Variants in FOCAD observed in about 807,000 individuals in gnomAD.
The protein encoded by FOCAD is focadhesin.
In FOCAD, 198 loss-of-function variants were observed where a neutral mutation model predicts 225.6. The ratio of observed to expected loss-of-function variants is 0.88; its 90% confidence interval spans 0.78 to 0.99. The LOEUF (loss-of-function observed/expected upper bound fraction) is 0.99, where lower values mean the gene tolerates loss of function less well. Ranked by LOEUF, FOCAD falls within the 50% of genes least tolerant of loss-of-function variation. FOCAD has a pLI of 0.00. For missense variants in FOCAD, 2,713 were observed against 2,123.6 expected, an observed-to-expected ratio of 1.28 and a Z score of -5.46; for synonymous variants, 897 against 755.0, an observed-to-expected ratio of 1.19 and a Z score of -3.08.
rs781242155 is a variant in FOCAD, at chr9:20,988,333, C to A, written c.4908C>A (p.Gly1636=). ...AAGAAAATACCCTTTTCATTTCAGG[C>A]GTTTTGAAGAGAATGGAGTGGCTCT... ...QARIVSHANT[G]VLKRMEWLLE... Residue 1636 remains glycine (G), a splice_region_variant and synonymous_variant, in exon 41 of 44, where the codon GGC becomes GGA. Coordinates refer to ENST00000338382, the MANE Select transcript of FOCAD (RefSeq NM_001375567.1). 2.5e-6 allele frequency: 4 copies of A among 1,588,598 alleles called. No individual in the cohort carries two copies. Among genetic ancestry groups the A allele is most frequent in the East Asian group, 2.3e-5 (1 of 44,402 alleles).
chr9:20,771,571 C>T (rs1326383160), intron 8 of FOCAD, among the ~76,000 whole-genome samples: 8 of 152,054 alleles, frequency 5.3e-5, no homozygotes, highest in Admixed American at 5.2e-4. Flanking sequence ...GCAGCCTGAC[C>T]AACATGGTGA....
In FOCAD at chr9:20,815,137, G is replaced by GTTTTTTTTT. The variant is rs71334555; in HGVS notation, c.1456-4650_1456-4642dup. Among the ~76,000 whole-genome samples, 11 of 69,144 alleles carry GTTTTTTTTT rather than the reference G, an allele frequency of 1.6e-4. 1 individual carries two copies. The highest frequency in any genetic ancestry group is 6.6e-4 in the African/African-American group (11 of 16,588). The allele number at this position is 69,144 out of a possible 152,430, so 45.4% of individuals were successfully genotyped here. On this transcript the variant is annotated intron_variant, in intron 11 of 43. Coordinates refer to ENST00000338382, the MANE Select transcript of FOCAD (RefSeq NM_001375567.1). Reference sequence around the variant, plus strand: ...TACTTCTCTTTGTTTTTTTTTTTTTGTTTTTTTTTTTTTTTTTGAGACAGT... The same window carrying GTTTTTTTTT: ...TACTTCTCTTTGTTTTTTTTTTTTTGTTTTTTTTTTTTTTTTTTTTTTTTTTGAGACAGT...
At chr9:20,808,178 GTGA>G (rs772993866) in intron 11 of FOCAD, among the ~76,000 whole-genome samples, 65 of 152,202 alleles carry the variant, frequency 4.3e-4, no homozygotes, top group Non-Finnish European at 5.6e-4. Flanking sequence ...GGTTTTCATG[GTGA>G]TACTAAGAGC....
chr9:20,836,993 T>G (rs1453218219), intron 15 of FOCAD, among the ~76,000 whole-genome samples: 8 of 152,178 alleles, frequency 5.3e-5, no homozygotes, highest in African/African-American at 1.9e-4. Context: ...CCACTTAAAA[T>G]TTTTGCTTCT....
chr9:20,730,504 T>G (rs573301176), intron 4 of FOCAD, among the ~76,000 whole-genome samples: 2 of 152,346 alleles, frequency 1.3e-5, no homozygotes, highest in East Asian at 3.9e-4. Context: ...ATACTTGATG[T>G]ATTTCAGTCC....
chr9:20,938,486 AC>A (rs1404679629), intron 28 of FOCAD, among the ~76,000 whole-genome samples: 1 of 151,946 alleles, frequency 6.6e-6, no homozygotes, highest in Non-Finnish European at 1.5e-5. Context: ...AAGGACAAAA[AC>A]CAAACACCAC....
chr9:20,982,605 A>G (rs796276506), intron 39 of FOCAD, among the ~76,000 whole-genome samples, 159 bp downstream of exon 39: 6 of 152,344 alleles, frequency 3.9e-5, no homozygotes, highest in African/African-American at 1.4e-4. Context: ...CCTCTTGTTC[A>G]GCCTACTAAT....
chr9:20,690,332 G>C (rs1822899723), intron 1 of FOCAD, among the ~76,000 whole-genome samples: 1 of 152,156 alleles, frequency 6.6e-6, no homozygotes, highest in African/African-American at 2.4e-5. Flanking sequence ...AAGTATGCTG[G>C]TATTTTTCCA....
chr9:20,695,048 CT>C lies in FOCAD; in HGVS notation c.-33+10758del, dbSNP rs764876319. On this transcript the variant is annotated intron_variant, in intron 1 of 43. Transcript: ENST00000338382. ...ATTGATTTGTTGGAGAAACCGAGTA[CT>C]TTGTCCTGTAAAGTGTCCCAGATTC... 8.5e-5 allele frequency among the ~76,000 whole-genome samples: 13 copies of C among 152,164 alleles called. No individual in the cohort carries two copies. The East Asian group carries it at 9.6e-4, about 11-fold the overall frequency.
At chr9:20,662,192 G>C (rs1434159234) in intron 2 of FOCAD, among the ~76,000 whole-genome samples, 1 of 149,350 alleles carries the variant, frequency 6.7e-6, no homozygotes, top group Non-Finnish European at 1.5e-5. Flanking sequence ...ATATGTGTGT[G>C]TGTGTGCATA....
intron 13 of FOCAD, 106 bp downstream of exon 13, chr9:20,820,531 T>C (rs774761629): frequency 1.2e-6 from 1 of 859,784 alleles, no homozygotes; most frequent in Admixed American, 2.7e-5. Flanking sequence ...TATTAATGAG[T>C]GGCATCAGTG....
chr9:20,929,463 G>C lies in FOCAD; in HGVS notation c.3184G>C (p.Val1062Leu), dbSNP rs752426512. The stretch of plus-strand genomic sequence containing the variant: ...TTTCATTATCTCTTGCAAAGAGAAG[G>C]TTGAGGAAATCCTGAACATGCTGAC... ...PVFIISCKEK[V>L]EEILNMLTAR... Residue 1062 changes from valine to leucine, a missense_variant, in exon 27 of 44, where the codon GTT (valine) becomes CTT (leucine). Val to Leu is a conservative substitution (Grantham distance 32, BLOSUM62 1). Transcript: ENST00000338382. 49 of 1,614,112 alleles carry C rather than the reference G, an allele frequency of 3.0e-5. No homozygotes were observed. The highest frequency in any genetic ancestry group is 4.2e-5 in the Non-Finnish European group (49 of 1,180,020).
intron 35 of FOCAD, among the ~76,000 whole-genome samples, chr9:20,953,422 C>T (rs1837861710): frequency 6.6e-6 from 1 of 152,160 alleles, no homozygotes; most frequent in African/African-American, 2.4e-5. Context: ...CAGTTTCTAT[C>T]CCGGGATCTG....
At chr9:20,826,316 C>G (rs1254613888) in intron 15 of FOCAD, among the ~76,000 whole-genome samples, 1 of 152,096 alleles carries the variant, frequency 6.6e-6, no homozygotes, top group African/African-American at 2.4e-5. Flanking sequence ...CTTGCTGAGT[C>G]TTCCAGTCTT....
At chr9:20,983,238 C>G (rs558657296) in intron 39 of FOCAD, among the ~76,000 whole-genome samples, 2 of 152,248 alleles carry the variant, frequency 1.3e-5, no homozygotes, top group South Asian at 4.1e-4. Flanking sequence ...ATTGTCTCTC[C>G]AGGTGATTCT....
At chr9:20,846,740 A>C (rs956187450) in intron 15 of FOCAD, among the ~76,000 whole-genome samples, 1 of 152,222 alleles carries the variant, frequency 6.6e-6, no homozygotes. Context: ...CTGAAAATGG[A>C]TGGTGGTCCA....
chr9:20,923,779 G>A lies in FOCAD; in HGVS notation c.2961+11G>A. On this transcript the variant is annotated intron_variant, in intron 25 of 43. Coordinates refer to ENST00000338382, the MANE Select transcript of FOCAD (RefSeq NM_001375567.1). ...GACGGGCTCCTGGAGGTTAGTTGGG[G>A]TGATTTAAACAATTGGCTTTGATTA... is the stretch of plus-strand genomic sequence containing the variant. 2 of 1,601,000 alleles carry A rather than the reference G, an allele frequency of 1.2e-6. No individual in the cohort carries two copies. The highest frequency in any genetic ancestry group is 1.7e-6 in the Non-Finnish European group (2 of 1,168,940).
chr9:20,912,291 G>A (rs768371812), intron 22 of FOCAD, among the ~76,000 whole-genome samples: 1 of 152,016 alleles, frequency 6.6e-6, no homozygotes, highest in Non-Finnish European at 1.5e-5. Flanking sequence ...AAAGGCCTTG[G>A]ACTTAAAGGA....
At chr9:20,986,950 T>C (rs746665322) in intron 40 of FOCAD, among the ~76,000 whole-genome samples, 2 of 152,218 alleles carry the variant, frequency 1.3e-5, no homozygotes, top group Non-Finnish European at 2.9e-5. Flanking sequence ...GCTCTGCTAA[T>C]GAATCACATG....
Sources: gnomAD v4.1 joint callset for allele counts (sites outside exome capture counted in the v4.1 genomes callset) on GRCh38, gnomAD v4.1.1 for gene constraint, MANE v1.5 for transcripts, NCBI Gene and HGNC (gene_info 2026-07-23, HGNC 2026-07-21) for gene names.